The following SMPDL3B variants were observed in gnomAD, a reference collection of about 807,000 sequenced individuals.
SMPDL3B encodes the protein acid sphingomyelinase-like phosphodiesterase 3b.
A neutral mutation model predicts 37.9 loss-of-function variants in SMPDL3B; 31 were observed. The ratio of observed to expected loss-of-function variants is 0.82; its 90% CI spans 0.61 to 1.10. The LOEUF (loss-of-function observed/expected upper bound fraction) is 1.10, where lower values mean the gene tolerates loss of function less well. Ranked by LOEUF, SMPDL3B falls within the 50% of genes least tolerant of loss-of-function variation. The probability of loss-of-function intolerance (pLI) is 0.00; values close to 1 mark genes in which losing one functional copy is unlikely to be tolerated. For missense variants in SMPDL3B, 525 were observed against 597.8 expected (o/e 0.88, Z 1.27); for synonymous variants, 235 against 242.6 (o/e 0.97, Z 0.29).
At chr1:27,935,824 G>T (rs1216830013) in intron 1 of SMPDL3B, among the ~76,000 whole-genome samples, 2 of 152,146 alleles carry the variant, frequency 1.3e-5, no homozygotes, top group African/African-American at 2.4e-5. Context: ...GGCAGTGAGT[G>T]GGGGAGCCAC....
At chr1:27,942,732 C>T (rs527459054) in intron 1 of SMPDL3B, among the ~76,000 whole-genome samples, 11 of 151,876 alleles carry the variant, frequency 7.2e-5, no homozygotes, top group East Asian at 5.8e-4. Flanking sequence ...GGCACAATCT[C>T]GGCTCACTGC....
intron 3 of SMPDL3B, among the ~76,000 whole-genome samples, chr1:27,951,072 T>G (rs11577159): frequency 0.39 from 55,278 of 141,966 alleles, 10,308 homozygotes; most frequent in South Asian, 0.6. Context: ...CTATTGACTA[T>G]GATTTAACAC....
Position 27,959,059 on chromosome 1 carries a change from A to C in SMPDL3B, c.*221A>C. On this transcript the variant is annotated 3_prime_UTR_variant, in exon 8 of 8. Transcript: ENST00000373894. ...GACTCTCTCCAAAAACAAACCAGAA[A>C]CAGAAAAGAAATGACGACCCAAGAC... is the stretch of plus-strand genomic sequence containing the variant. 3 of 553,022 alleles carry C rather than the reference A, an allele frequency of 5.4e-6. No homozygotes were observed. The highest frequency in any genetic ancestry group is 6.4e-6 in the Non-Finnish European group (2 of 314,182). The allele number at this position is 553,022 out of a possible 1,614,324, so 34.3% of individuals were successfully genotyped here. A position where few individuals can be genotyped will look rare whatever the true frequency, so the allele number is the denominator to read the frequency against.
intron 5 of SMPDL3B, 111 bp downstream of exon 5, chr1:27,954,637 C>A: frequency 3.0e-6 from 3 of 1,013,230 alleles, no homozygotes; most frequent in East Asian, 2.4e-5. Flanking sequence ...CCAGAGGGTC[C>A]TTTATCAGCC....
At position 27,945,835 on chromosome 1, in the gene SMPDL3B, T is replaced by C. The variant is rs140770100; in HGVS notation, c.275+390T>C. 1.5e-3 allele frequency among the ~76,000 whole-genome samples: 232 copies of C among 152,258 alleles called. No homozygotes were observed. The highest frequency in any genetic ancestry group is 5.3e-3 in the African/African-American group (221 of 41,558). On this transcript the variant is annotated intron_variant, in intron 2 of 7. Transcript: ENST00000373894. This position sits in a 1 kb window ranked among gnomAD's most constrained non-coding sequence, Gnocchi z 4.0. ...CAGGGAGGGAAGAAGTTATGAGGGC[T>C]GAAGGTGGCCCAGCCTGGGGTCCTA...
intron 7 of SMPDL3B, among the ~76,000 whole-genome samples, chr1:27,957,947 C>A (rs1231785844): frequency 2.0e-5 from 3 of 152,154 alleles, no homozygotes; most frequent in Non-Finnish European, 4.4e-5. Context: ...GCTCCTCTTA[C>A]CCCGTCTGCA....
In SMPDL3B at chr1:27,955,771, C is replaced by T. The variant is rs2090495131; in HGVS notation, c.778C>T (p.Leu260=). ...WFREGFNEKY[L]KVVRKHHRVI... ...CCGGGAGGGCTTCAATGAAAAATAC[C>T]TGAAGGTGGTCCGGAAGCATCATCG... Residue 260 remains leucine, a synonymous_variant, in exon 6 of 8, where the codon CTG becomes TTG. Coordinates refer to ENST00000373894, the MANE Select transcript of SMPDL3B (RefSeq NM_014474.4). The T allele has an allele frequency of 1.9e-6, 3 of 1,614,146 alleles. No homozygotes were observed. Among genetic ancestry groups the T allele is most frequent in the Non-Finnish European group, 2.5e-6 (3 of 1,180,022 alleles).
At chr1:27,946,532 T>C (rs1453969333) in intron 2 of SMPDL3B, among the ~76,000 whole-genome samples, 1 of 152,052 alleles carries the variant, frequency 6.6e-6, no homozygotes, top group South Asian at 2.1e-4. Flanking sequence ...GACAAACCCA[T>C]TGACCCTACC....
chr1:27,940,497 G>C (rs1248600658), intron 1 of SMPDL3B, among the ~76,000 whole-genome samples: 3 of 151,682 alleles, frequency 2.0e-5, no homozygotes, highest in African/African-American at 4.8e-5. Flanking sequence ...AAGGGGTAGG[G>C]GGCGCTGTTA....
At position 27,935,028 on chromosome 1, in the gene SMPDL3B, C is replaced by T; in HGVS notation, c.-156C>T. 1.6e-6 allele frequency: 1 copy of T among 606,326 alleles called. No individual in the cohort carries two copies. The highest frequency in any genetic ancestry group is 2.0e-5 in the South Asian group (1 of 50,012). The allele number at this position is 606,326 out of a possible 1,614,324, so 37.6% of individuals were successfully genotyped here. A position where few individuals can be genotyped will look rare whatever the true frequency, so the allele number is the denominator to read the frequency against. On this transcript the variant is annotated 5_prime_UTR_variant, in exon 1 of 8. Coordinates refer to ENST00000373894, the MANE Select transcript of SMPDL3B (RefSeq NM_014474.4). ...CCCTGCTGGGCAAAGGAGGAAGAGC[C>T]AGAGGATCCAGACGCCTTGGAGGAC...
chr1:27,942,175 T>G, intron 1 of SMPDL3B: 1 of 391,686 alleles, frequency 2.6e-6, no homozygotes, highest in Non-Finnish European at 5.3e-6. Context: ...CCTGAATACT[T>G]TGAGGGCTGA....
In SMPDL3B at chr1:27,953,337, T is replaced by C. The variant is rs201877810; in HGVS notation, c.496T>C (p.Ser166Pro). The C allele has an allele frequency of 5.6e-5, 90 of 1,612,170 alleles. No homozygotes were observed. In the East Asian group the frequency reaches 2.0e-3, roughly 36 times the overall value. ...ATGGAAACCCTGGCTTAGTAATGAGTCCATCGCTCTCTTCAAAAAAGGTAC... is the reference window on the plus strand; with the variant it reads ...ATGGAAACCCTGGCTTAGTAATGAGCCCATCGCTCTCTTCAAAAAAGGTAC... ...ELWKPWLSNE[S>P]IALFKKGAFY... Residue 166 changes from serine to proline, a missense_variant, in exon 4 of 8, where the codon TCC becomes CCC. Coordinates refer to ENST00000373894, the MANE Select transcript of SMPDL3B (RefSeq NM_014474.4).
intron 1 of SMPDL3B, among the ~76,000 whole-genome samples, chr1:27,939,620 A>G (rs945991317): frequency 3.3e-5 from 5 of 152,128 alleles, no homozygotes; most frequent in African/African-American, 1.2e-4. Context: ...GGAATTTGAG[A>G]CCAGACTGGG....
chr1:27,954,433 C>T lies in SMPDL3B; in HGVS notation c.597C>T (p.Thr199=). The T allele has an allele frequency of 6.2e-7, 1 of 1,614,088 alleles. No individual in the cohort carries two copies. Among genetic ancestry groups the T allele is most frequent in the East Asian group, 2.2e-5 (1 of 44,892 alleles). ...IVVLNTNLYY[T]SNALTADMAD... is the part of the protein sequence containing the mutation. The stretch of plus-strand genomic sequence containing the variant: ...TCCTCAACACCAATCTGTACTATAC[C>T]AGCAATGCGCTGACAGCAGACATGG... The change falls in exon 5 of 8, where the codon ACC becomes ACT. Residue 199 remains threonine, a synonymous_variant. Coordinates refer to ENST00000373894, the MANE Select transcript of SMPDL3B (RefSeq NM_014474.4).
chr1:27,956,829 A>G (rs1402852263), intron 7 of SMPDL3B, among the ~76,000 whole-genome samples: 1 of 152,110 alleles, frequency 6.6e-6, no homozygotes, highest in Non-Finnish European at 1.5e-5. Context: ...GGTGACAGCT[A>G]TGGGAGGTGT....
chr1:27,952,416 G>A (rs2090462299), intron 3 of SMPDL3B, among the ~76,000 whole-genome samples: 1 of 152,168 alleles, frequency 6.6e-6, no homozygotes, highest in South Asian at 2.1e-4. Flanking sequence ...GCTCATATAA[G>A]GGCCCAGCCC....
At chr1:27,946,838 G>A (rs2090412320) in intron 2 of SMPDL3B, among the ~76,000 whole-genome samples, 1 of 152,140 alleles carries the variant, frequency 6.6e-6, no homozygotes, top group Admixed American at 6.5e-5. Context: ...GAAGACATGT[G>A]ACATTGTCTC....
rs1159725245 is a variant in SMPDL3B, at chr1:27,945,266, C to A, written c.96C>A (p.Asp32Glu). ...KFWHIADLHL[D>E]PDYKVSKDPF... ...GGCACATCGCTGACCTGCACCTTGA[C>A]CCTGACTACAAGGTATCCAAAGACC... The change falls in exon 2 of 8, where the codon GAC becomes GAA. Residue 32 changes from aspartate (D) to glutamate (E), a missense_variant. Physicochemically the swap from Asp to Glu is conservative, Grantham distance 45. Coordinates refer to ENST00000373894, the MANE Select transcript of SMPDL3B (RefSeq NM_014474.4). The surrounding 1 kb of genome is among the most constrained non-coding windows in gnomAD (Gnocchi z 4.0). The A allele has an allele frequency of 3.1e-6, 5 of 1,614,072 alleles. No individual in the cohort carries two copies. Among genetic ancestry groups the A allele is most frequent in the African/African-American group, 1.3e-5 (1 of 74,932 alleles).
intron 7 of SMPDL3B, 186 bp downstream of exon 7, chr1:27,956,268 C>A: frequency 2.6e-6 from 4 of 1,526,468 alleles, no homozygotes; most frequent in Non-Finnish European, 3.5e-6. Flanking sequence ...CAGGGCAGTG[C>A]CTCACCAAGT....
Sources: allele counts gnomAD v4.1 joint callset (sites outside exome capture counted in the v4.1 genomes callset), GRCh38; gene constraint gnomAD v4.1.1; non-coding constraint Gnocchi (gnomAD v3.1); transcripts MANE v1.5; gene names NCBI Gene and HGNC (gene_info 2026-07-23, HGNC 2026-07-21).